Variants in SHANK2 observed in about 807,000 individuals in gnomAD.
SHANK2 encodes SH3 and multiple ankyrin repeat domains 2.
A neutral mutation model predicts 133.7 loss-of-function variants in SHANK2; 43 were observed. That is an observed-to-expected ratio of 0.32 (90% CI 0.25 to 0.41). The LOEUF (loss-of-function observed/expected upper bound fraction) is 0.41. SHANK2 is among the 10% of genes least tolerant of loss of function. The pLI is 1.00. For synonymous variants in SHANK2, 1,017 were observed against 952.8 expected, an observed-to-expected ratio of 1.07 and a Z score of -1.24; for missense variants, 1,994 against 2,235.8, an observed-to-expected ratio of 0.89 and a Z score of 2.18.
At chr11:71,077,530 G>A (rs1253255601) in intron 8 of SHANK2, among the ~76,000 whole-genome samples, 3 of 152,126 alleles carry the variant, frequency 2.0e-5, no homozygotes, top group East Asian at 1.9e-4. Context: ...ACACAAACCC[G>A]GGAAATACAG....
At chr11:70,549,017 T>C (rs2059730956) in intron 17 of SHANK2, among the ~76,000 whole-genome samples, 2 of 152,002 alleles carry the variant, frequency 1.3e-5, no homozygotes, top group Non-Finnish European at 2.9e-5. Flanking sequence ...CCTGCTGACA[T>C]CCCGACTTCA....
chr11:70,473,264 T>G lies in SHANK2; in HGVS notation c.5155A>C (p.Lys1719Gln), dbSNP rs2058618875. Reference protein sequence around the residue: ...SPVVSPTEMNKETLPAPLSAA... With the variant: ...SPVVSPTEMNQETLPAPLSAA... ...GACAGGGGGGCGGGCAGGGTCTCTT[T>G]GTTCATCTCTGTTGGCGAGACCACA... Residue 1719 changes from lysine to glutamine, a missense_variant, in exon 26 of 26, where the codon AAA becomes CAA. By Grantham distance (53) the Lys-to-Gln change is moderately conservative. Coordinates refer to ENST00000601538, the MANE Select transcript of SHANK2 (RefSeq NM_012309.5). The surrounding 1 kb of genome is among the most constrained non-coding windows in gnomAD (Gnocchi z 5.9). 1.2e-6 allele frequency: 2 copies of G among 1,611,602 alleles called. No individual in the cohort carries two copies. Among genetic ancestry groups the G allele is most frequent in the Non-Finnish European group, 1.7e-6 (2 of 1,178,046 alleles).
intron 11 of SHANK2, among the ~76,000 whole-genome samples, chr11:70,845,840 G>A (rs188095947): frequency 6.3e-4 from 96 of 152,318 alleles, no homozygotes; most frequent in African/African-American, 2.1e-3. Context: ...AATAGACACC[G>A]GAGAGGTGGT....
rs535779519 is a variant in SHANK2, at chr11:70,905,170, G to A, written c.1108-8603C>T. Among the ~76,000 whole-genome samples, 10 of 152,230 alleles carry A rather than the reference G, an allele frequency of 6.6e-5. No individual in the cohort carries two copies. The South Asian group carries it at 2.1e-3, about 32-fold the overall frequency. On this transcript the variant is annotated intron_variant, in intron 10 of 25. Transcript: ENST00000601538. ...GGAAATGAGCCAGCCAGACAGGCAGGTGAGGAGGACCTGGGGCTGTCTGGT... is the reference window on the plus strand; with the variant it reads ...GGAAATGAGCCAGCCAGACAGGCAGATGAGGAGGACCTGGGGCTGTCTGGT...
chr11:70,668,773 A>G (rs1244672392), intron 15 of SHANK2: 1 of 152,394 alleles, frequency 6.6e-6, no homozygotes, highest in African/African-American at 2.4e-5. Flanking sequence ...AGAAAAGAAC[A>G]TTCCAGACAG....
chr11:71,182,345 CT>C (rs1953576178), intron 2 of SHANK2, among the ~76,000 whole-genome samples: 1 of 152,180 alleles, frequency 6.6e-6, no homozygotes, highest in East Asian at 1.9e-4. Context: ...GGATTTGTTT[CT>C]TGGGACTACC....
intron 2 of SHANK2, among the ~76,000 whole-genome samples, chr11:71,173,010 CAT>C (rs1953350401): frequency 6.6e-6 from 1 of 152,382 alleles, no homozygotes; most frequent in South Asian, 2.1e-4. Context: ...GAGAAGTGGG[CAT>C]CCCAGCCAGC....
intron 2 of SHANK2, among the ~76,000 whole-genome samples, chr11:71,201,773 C>A (rs1432650683): frequency 1.3e-5 from 2 of 152,164 alleles, no homozygotes; most frequent in African/African-American, 4.8e-5. Context: ...CCAGAAGGAG[C>A]ACGTTGTCTC....
chr11:71,057,990 A>G (rs1010242263), intron 9 of SHANK2, among the ~76,000 whole-genome samples: 1 of 142,988 alleles, frequency 7.0e-6, no homozygotes, highest in Non-Finnish European at 1.5e-5. Flanking sequence ...CACAGCTCAC[A>G]GCAGCCTCGA....
intron 17 of SHANK2, among the ~76,000 whole-genome samples, chr11:70,612,028 G>A (rs1554994376): frequency 1.3e-5 from 2 of 151,988 alleles, no homozygotes; most frequent in African/African-American, 2.4e-5. Context: ...CGTCTTGAGC[G>A]TTCTGCCCAA....
intron 11 of SHANK2, chr11:70,862,660 A>G (rs375855790): frequency 3.7e-4 from 100 of 272,872 alleles, no homozygotes; most frequent in African/African-American, 2.4e-3. Context: ...ACTGGCTGAT[A>G]GACTGGACTG....
At chr11:70,706,981 T>C (rs868914077) in intron 14 of SHANK2, among the ~76,000 whole-genome samples, 1 of 152,054 alleles carries the variant, frequency 6.6e-6, no homozygotes, top group South Asian at 2.1e-4. Context: ...GAAAAGGAAA[T>C]AAGAGGATTT....
chr11:70,792,243 T>TCAAC (rs1189645235), intron 14 of SHANK2, among the ~76,000 whole-genome samples: 2 of 144,066 alleles, frequency 1.4e-5, no homozygotes, highest in South Asian at 2.2e-4. Flanking sequence ...AGACAGCTAA[T>TCAAC]CAACCAACCA....
intron 3 of SHANK2, among the ~76,000 whole-genome samples, chr11:71,146,373 C>CCCCTTCCTCTGCACAT (rs1565477929): frequency 1.0e-5 from 1 of 97,332 alleles, no homozygotes; most frequent in Admixed American, 9.4e-5. Flanking sequence ...CCTCTGCACA[C>CCCCTTCCTCTGCACAT]GAAGCTCCCC....
At chr11:70,532,952 C>T (rs1045647989) in intron 17 of SHANK2, among the ~76,000 whole-genome samples, 1 of 152,172 alleles carries the variant, frequency 6.6e-6, no homozygotes, top group Non-Finnish European at 1.5e-5. Flanking sequence ...CGTGTTCCAA[C>T]AAGGAGAGCC....
intron 17 of SHANK2, among the ~76,000 whole-genome samples, chr11:70,537,155 TCAGAGTCCCCTG>T (rs2059554851): frequency 6.6e-6 from 1 of 152,116 alleles, no homozygotes; most frequent in Non-Finnish European, 1.5e-5. Flanking sequence ...CGCCCCCCTC[TCAGAGTCCCCTG>T]CAGGGGTGTC....
intron 17 of SHANK2, among the ~76,000 whole-genome samples, chr11:70,599,436 T>A (rs12801006): frequency 0.035 from 4,037 of 116,720 alleles, 67 homozygotes; most frequent in East Asian, 0.071. Flanking sequence ...TGAAACCCCG[T>A]CTCTACTAAA....
intron 15 of SHANK2, among the ~76,000 whole-genome samples, chr11:70,685,860 C>A (rs1299111777): frequency 6.6e-6 from 1 of 152,128 alleles, no homozygotes; most frequent in Non-Finnish European, 1.5e-5. Context: ...CCAAGTACTG[C>A]CTATAGAGAG....
intron 11 of SHANK2, among the ~76,000 whole-genome samples, chr11:70,839,497 C>T (rs914470732): frequency 3.9e-5 from 6 of 152,236 alleles, no homozygotes; most frequent in South Asian, 2.1e-4. Context: ...CCACTGACTA[C>T]GTAAGCCAAA....
Sources: allele counts gnomAD v4.1 joint callset (sites outside exome capture counted in the v4.1 genomes callset), GRCh38; gene constraint gnomAD v4.1.1; non-coding constraint Gnocchi (gnomAD v3.1); transcripts MANE v1.5; gene names NCBI Gene and HGNC (gene_info 2026-07-23, HGNC 2026-07-21).